The following SPON1 variants were observed in gnomAD, a reference collection of about 807,000 sequenced individuals.
SPON1 encodes spondin-1.
In SPON1, 52 loss-of-function variants were observed where a neutral mutation model predicts 111.7. That is an observed-to-expected ratio of 0.47 (90% confidence interval 0.37 to 0.59). The LOEUF is 0.59. Among genes scored for constraint, SPON1 ranks in the 20% least tolerant of loss-of-function variants. SPON1 has a pLI of 0.00. For missense variants in SPON1, 957 were observed against 1,068.5 expected (o/e 0.90, Z 1.46); for synonymous variants, 410 against 395.8 (o/e 1.04, Z -0.43).
chr11:14,065,178 A>G (rs1423923574), intron 3 of SPON1, among the ~76,000 whole-genome samples: 1 of 152,122 alleles, frequency 6.6e-6, no homozygotes, highest in South Asian at 2.1e-4. Flanking sequence ...GTGAGAGGAA[A>G]CAGAAAGAAG....
intron 3 of SPON1, among the ~76,000 whole-genome samples, chr11:14,056,716 C>T (rs1554919216): frequency 1.3e-5 from 2 of 151,932 alleles, no homozygotes; most frequent in Admixed American, 6.6e-5. Context: ...GGTGAAACCC[C>T]GTCTCTACTT....
chr11:14,044,163 T>G (rs1848651783), intron 3 of SPON1, among the ~76,000 whole-genome samples: 1 of 127,780 alleles, frequency 7.8e-6, no homozygotes, highest in Non-Finnish European at 1.8e-5. Flanking sequence ...TTTATTTATT[T>G]TTTCTCTGAA....
At chr11:14,212,437 G>C (rs1028257046) in intron 6 of SPON1, among the ~76,000 whole-genome samples, 1 of 152,128 alleles carries the variant, frequency 6.6e-6, no homozygotes, top group African/African-American at 2.4e-5. Context: ...CAGGTTTTCA[G>C]TCAGTTAGCA....
At chr11:14,174,168 A>G (rs989955540) in intron 6 of SPON1, among the ~76,000 whole-genome samples, 2 of 152,198 alleles carry the variant, frequency 1.3e-5, no homozygotes, top group Non-Finnish European at 2.9e-5. Flanking sequence ...ATGGGAGAAG[A>G]TAGTGCAATG....
At chr11:13,986,261 A>AAT (rs1328416560) in intron 2 of SPON1, among the ~76,000 whole-genome samples, 17 of 151,856 alleles carry the variant, frequency 1.1e-4, no homozygotes, top group South Asian at 2.1e-4. Flanking sequence ...ATTGTAATTA[A>AAT]ATATATATAT....
chr11:14,093,602 T>C (rs1458626021), intron 5 of SPON1, among the ~76,000 whole-genome samples: 2 of 152,226 alleles, frequency 1.3e-5, no homozygotes, highest in Non-Finnish European at 2.9e-5. Context: ...TTGGGAAATA[T>C]ACTCTATATA....
At chr11:14,162,890 C>T (rs1208126603) in intron 6 of SPON1, among the ~76,000 whole-genome samples, 1 of 152,210 alleles carries the variant, frequency 6.6e-6, no homozygotes. Flanking sequence ...TATAATACTA[C>T]AGAGGGAATG....
At chr11:14,203,285 A>G (rs1470984228) in intron 6 of SPON1, among the ~76,000 whole-genome samples, 1 of 151,998 alleles carries the variant, frequency 6.6e-6, no homozygotes, top group African/African-American at 2.4e-5. Flanking sequence ...TCACCCAATC[A>G]CCTCTCTAGC....
chr11:14,246,107 TG>T (rs1848986479), intron 7 of SPON1, among the ~76,000 whole-genome samples: 1 of 151,946 alleles, frequency 6.6e-6, no homozygotes. Context: ...CAGGTAGGGG[TG>T]GGGAGAGTTT....
intron 10 of SPON1, 141 bp from the exon 11 acceptor site, chr11:14,257,575 T>G: frequency 1.6e-6 from 1 of 621,218 alleles, no homozygotes. Flanking sequence ...GGATGGCTGC[T>G]TCCATCCCAG....
intron 6 of SPON1, among the ~76,000 whole-genome samples, chr11:14,198,258 A>G (rs558147826): frequency 6.6e-6 from 1 of 152,348 alleles, no homozygotes; most frequent in Non-Finnish European, 1.5e-5. Flanking sequence ...GTTCTTAGAC[A>G]TACTCAAGTT....
At chr11:13,971,022 C>G (rs1848059275) in intron 1 of SPON1, among the ~76,000 whole-genome samples, 2 of 152,110 alleles carry the variant, frequency 1.3e-5, no homozygotes, top group African/African-American at 4.8e-5. Context: ...CATTGAAGCC[C>G]CAAGAACCCT....
chr11:14,234,197 C>A (rs1247959604), intron 6 of SPON1, among the ~76,000 whole-genome samples: 1 of 152,320 alleles, frequency 6.6e-6, no homozygotes, highest in Non-Finnish European at 1.5e-5. Flanking sequence ...TCCTCACAGC[C>A]CTTTCTGTTT....
chr11:14,156,991 T>C (rs1554930464), intron 6 of SPON1, among the ~76,000 whole-genome samples: 1 of 152,230 alleles, frequency 6.6e-6, no homozygotes, highest in East Asian at 1.9e-4. Flanking sequence ...ACATGAGATT[T>C]GGTCGAGGAC....
intron 2 of SPON1, among the ~76,000 whole-genome samples, chr11:14,017,926 C>T (rs1015504238): frequency 6.6e-6 from 1 of 152,176 alleles, no homozygotes; most frequent in South Asian, 2.1e-4. Flanking sequence ...ATTGATCAAA[C>T]TAATGAGTCG....
At chr11:14,203,036 A>C (rs1433454374) in intron 6 of SPON1, among the ~76,000 whole-genome samples, 1 of 152,194 alleles carries the variant, frequency 6.6e-6, no homozygotes, top group Admixed American at 6.5e-5. Flanking sequence ...GCAGCCCTCA[A>C]ACCCCAGAAA....
chr11:14,081,056 C>G (rs112179880), intron 5 of SPON1, among the ~76,000 whole-genome samples: 5,294 of 151,902 alleles, frequency 0.035, 108 homozygotes, highest in Non-Finnish European at 0.047. Flanking sequence ...TACACTCCAG[C>G]CTGGGCAGCA....
chr11:13,988,114 A>T (rs1848199641), intron 2 of SPON1, among the ~76,000 whole-genome samples: 1 of 152,106 alleles, frequency 6.6e-6, no homozygotes. Context: ...CTTGATGGGG[A>T]TAGCATTGAA....
chr11:14,199,749 C>T (rs1420097239), intron 6 of SPON1, among the ~76,000 whole-genome samples: 2 of 152,230 alleles, frequency 1.3e-5, no homozygotes, highest in African/African-American at 2.4e-5. Flanking sequence ...GAGGTTCATT[C>T]GCTCATGCAC....
Sources: allele counts gnomAD v4.1 joint callset (sites outside exome capture counted in the v4.1 genomes callset), GRCh38; gene constraint gnomAD v4.1.1; transcripts MANE v1.5; gene names NCBI Gene and HGNC (gene_info 2026-07-23, HGNC 2026-07-21).